The following TMPRSS2 variants were observed in gnomAD, a reference collection of about 807,000 sequenced individuals.
TMPRSS2 encodes the protein transmembrane serine protease 2.
TMPRSS2 carries 59 observed loss-of-function variants against 67.4 expected under a neutral mutation model. The observed-to-expected ratio is 0.88, with a 90% CI of 0.71 to 1.09. TMPRSS2 has a LOEUF of 1.09. Ranked by LOEUF, TMPRSS2 falls within the 50% of genes least tolerant of loss-of-function variation. The pLI is 0.00. For synonymous variants in TMPRSS2, 257 were observed against 257.0 expected, an observed-to-expected ratio of 1.00 and a Z score of 0.00; for missense variants, 668 against 642.7, an observed-to-expected ratio of 1.04 and a Z score of -0.43.
chr21:41,504,226 A>C (rs2091442304), intron 1 of TMPRSS2, among the ~76,000 whole-genome samples: 1 of 152,156 alleles, frequency 6.6e-6, no homozygotes, highest in Admixed American at 6.5e-5. Context: ...CCACAAGCCA[A>C]GGTGCCCTTC....
chr21:41,469,447 C>A (rs1277005257), intron 11 of TMPRSS2, among the ~76,000 whole-genome samples: 1 of 152,110 alleles, frequency 6.6e-6, no homozygotes, highest in East Asian at 1.9e-4. Flanking sequence ...CACGATCTCC[C>A]CACCTCAAGC....
intron 10 of TMPRSS2, among the ~76,000 whole-genome samples, chr21:41,471,007 C>T (rs1160999955): frequency 6.6e-6 from 1 of 152,236 alleles, no homozygotes; most frequent in African/African-American, 2.4e-5. Flanking sequence ...TCCAAAATTA[C>T]ATATCTCCAG....
At chr21:41,494,799 G>C (rs374203194) in intron 2 of TMPRSS2, 1 of 593,782 alleles carries the variant, frequency 1.7e-6, no homozygotes, top group African/African-American at 1.9e-5. Context: ...GGCTGGGTGC[G>C]GTGGCTCATG....
rs2091097892 is a variant in TMPRSS2 at position 41,467,878 on chromosome 21, A to G, written c.1323T>C (p.Ser441=). ...TCTTCGAAGTGACCAGAGGCCCTCCACTGTCACCCTGTGGGACACAGCAAG... is the reference window on the plus strand; with the variant it reads ...TCTTCGAAGTGACCAGAGGCCCTCCGCTGTCACCCTGTGGGACACAGCAAG... The part of the protein sequence containing the change: ...QGNVDSCQGD[S]GGPLVTSKNN... Residue 441 remains serine, a synonymous_variant, in exon 13 of 14, where the codon AGT becomes AGC. Transcript: ENST00000332149. 6.2e-7 allele frequency: 1 copy of G among 1,614,190 alleles called. No individual in the cohort carries two copies. Among genetic ancestry groups the G allele is most frequent in the Non-Finnish European group, 8.5e-7 (1 of 1,180,028 alleles).
intron 3 of TMPRSS2, 81 bp from the exon 4 acceptor site, chr21:41,489,674 A>G (rs1243601704): frequency 1.2e-6 from 1 of 839,156 alleles, no homozygotes; most frequent in Non-Finnish European, 1.9e-6. Flanking sequence ...TTATTTTTAT[A>G]GTACACCACA....
At chr21:41,501,677 G>T (rs962596107) in intron 1 of TMPRSS2, among the ~76,000 whole-genome samples, 1 of 151,650 alleles carries the variant, frequency 6.6e-6, no homozygotes, top group East Asian at 1.9e-4. Context: ...TAAAACAAGG[G>T]GGGGAATGTC....
chr21:41,477,162 T>C (rs2091220832), intron 7 of TMPRSS2, among the ~76,000 whole-genome samples: 1 of 152,188 alleles, frequency 6.6e-6, no homozygotes, highest in Non-Finnish European at 1.5e-5. Context: ...CAGGCTATGC[T>C]GAGAAGGGAA....
chr21:41,490,604 C>A (rs928871), intron 3 of TMPRSS2, among the ~76,000 whole-genome samples: 1 of 152,014 alleles, frequency 6.6e-6, no homozygotes, highest in Non-Finnish European at 1.5e-5. Context: ...AGAAAAAAAA[C>A]GAATTTGGAA....
Position 41,494,491 on chromosome 21 carries a change from T to G in TMPRSS2, c.103A>C (p.Thr35Pro). 1 of 1,614,040 alleles carries G rather than the reference T, an allele frequency of 6.2e-7. No individual in the cohort carries two copies. Among genetic ancestry groups the G allele is most frequent in the Non-Finnish European group, 8.5e-7 (1 of 1,179,984 alleles). ...TGAGCCGGATGCACCTCGTAGACAG[T>G]GGGGACCACAGTGGGCTGTGCGGGA... The part of the protein sequence containing the change: ...PYPAQPTVVP[T>P]VYEVHPAQYY... The change falls in exon 3 of 14, where the codon ACT becomes CCT. Residue 35 changes from threonine to proline, a missense_variant. Physicochemically the swap from Thr to Pro is conservative, Grantham distance 38. Transcript: ENST00000332149.
chr21:41,494,569 G>A lies in TMPRSS2; in HGVS notation c.25C>T (p.Pro9Ser). 3 of 1,613,624 alleles carry A rather than the reference G, an allele frequency of 1.9e-6. No individual in the cohort carries two copies. Among genetic ancestry groups the A allele is most frequent in the Non-Finnish European group, 2.5e-6 (3 of 1,179,920 alleles). The change falls in exon 3 of 14, where the codon CCA becomes TCA. Residue 9 changes from proline (P) to serine (S), a missense_variant. By Grantham distance (74) the Pro-to-Ser change is moderately conservative. Transcript: ENST00000332149. ...TTTTCATAGTAAGGTCCAATAGCTG[G>A]TGGTGACCCCTAAACAGTTGAAAAG... Reference protein sequence around the residue: MALNSGSPPAIGPYYENHG... With the variant: MALNSGSPSAIGPYYENHG...
chr21:41,468,285 T>G lies in TMPRSS2; in HGVS notation c.1314+111A>C. Reference sequence around the variant, plus strand: ...GTCACTTCCCATGACTGCCCCGAGCTGGCTCCGTGTCACTGAGGAGGCTCT... The same window carrying G: ...GTCACTTCCCATGACTGCCCCGAGCGGGCTCCGTGTCACTGAGGAGGCTCT... On this transcript the variant is annotated intron_variant, in intron 12 of 13. Transcript: ENST00000332149. 6 of 1,399,368 alleles carry G rather than the reference T, an allele frequency of 4.3e-6. No homozygotes were observed. The South Asian group carries it at 8.0e-5, about 19-fold the overall frequency. 86.7% of individuals were successfully genotyped at this position (1,399,368 alleles called of 1,614,324 possible).
rs1005416008 is a variant in TMPRSS2 at position 41,494,543 on chromosome 21, G to C, written c.51C>G (p.Asn17Lys). ...AGGGGTTTTCCGGTTGGTATCCATG[G>C]TTTTCATAGTAAGGTCCAATAGCTG... ...SPPAIGPYYE[N>K]HGYQPENPYP... The change falls in exon 3 of 14, where the codon AAC (asparagine) becomes AAG (lysine). Residue 17 changes from asparagine to lysine, a missense_variant. Coordinates refer to ENST00000332149, the MANE Select transcript of TMPRSS2 (RefSeq NM_005656.4). 1 of 1,613,656 alleles carries C rather than the reference G, an allele frequency of 6.2e-7. No individual in the cohort carries two copies. The highest frequency in any genetic ancestry group is 8.5e-7 in the Non-Finnish European group (1 of 1,179,930).
At chr21:41,505,134 A>G (rs1020295194) in intron 1 of TMPRSS2, among the ~76,000 whole-genome samples, 2 of 152,092 alleles carry the variant, frequency 1.3e-5, no homozygotes, top group African/African-American at 4.8e-5. Context: ...AAAACTGAAC[A>G]AGCACTCCAT....
intron 4 of TMPRSS2, 65 bp downstream of exon 4, chr21:41,489,442 G>C (rs1205787825): frequency 1.4e-6 from 2 of 1,397,620 alleles, no homozygotes; most frequent in Non-Finnish European, 1.0e-6. Flanking sequence ...CCAGAGAGCA[G>C]GGTCTGGCTC....
rs547168890 is a variant in TMPRSS2, at chr21:41,470,524, G to A, written c.1171+124C>T. On this transcript the variant is annotated intron_variant, in intron 11 of 13. Transcript: ENST00000332149. The stretch of plus-strand genomic sequence containing the variant: ...AGAAACTGAGGCACAAGGACTGGGG[G>A]AATCAACCAAAGTCATCCAGTCATT... The A allele has an allele frequency of 4.5e-4, 390 of 868,380 alleles. 3 individuals are homozygous for A. The South Asian group carries it at 4.8e-3, about 11-fold the overall frequency. The allele number at this position is 868,380 out of a possible 1,614,324, so 53.8% of individuals were successfully genotyped here.
intron 5 of TMPRSS2, among the ~76,000 whole-genome samples, chr21:41,480,806 T>C (rs1347957032): frequency 1.3e-5 from 2 of 152,130 alleles, no homozygotes; most frequent in Non-Finnish European, 2.9e-5. Flanking sequence ...GTCCAGTTAA[T>C]TTTTCTGTTT....
At chr21:41,505,644 C>T (rs2091452665) in intron 1 of TMPRSS2, among the ~76,000 whole-genome samples, 1 of 152,214 alleles carries the variant, frequency 6.6e-6, no homozygotes, top group South Asian at 2.1e-4. Context: ...TGGGCAGGGG[C>T]TGGGCTCTTT....
At chr21:41,482,327 G>A (rs1040846530) in intron 5 of TMPRSS2, among the ~76,000 whole-genome samples, 2 of 152,170 alleles carry the variant, frequency 1.3e-5, no homozygotes, top group Non-Finnish European at 2.9e-5. Flanking sequence ...TGGGGTGGGC[G>A]TATTCACAGA....
intron 2 of TMPRSS2, among the ~76,000 whole-genome samples, chr21:41,495,370 T>C (rs1473722041): frequency 2.0e-5 from 3 of 152,100 alleles, no homozygotes; most frequent in Non-Finnish European, 4.4e-5. Context: ...ACTCCTGTAA[T>C]CCCAGCACTT....
Sources: allele counts gnomAD v4.1 joint callset (sites outside exome capture counted in the v4.1 genomes callset), GRCh38; gene constraint gnomAD v4.1.1; transcripts MANE v1.5; gene names NCBI Gene and HGNC (gene_info 2026-07-23, HGNC 2026-07-21).